The following ANGPT2 variants were observed in gnomAD, a reference collection of about 807,000 sequenced individuals.
ANGPT2 encodes angiopoietin-2.
In ANGPT2, 28 loss-of-function variants were observed where a neutral mutation model predicts 62.9. The observed-to-expected ratio is 0.44, with a 90% confidence interval of 0.33 to 0.61. The LOEUF (loss-of-function observed/expected upper bound fraction) is 0.61. Ranked by LOEUF, ANGPT2 falls within the 20% of genes least tolerant of loss-of-function variation. ANGPT2 has a pLI of 0.03. For synonymous variants in ANGPT2, 284 were observed against 207.8 expected, an observed-to-expected ratio of 1.37 and a Z score of -3.15; for missense variants, 727 against 594.9, an observed-to-expected ratio of 1.22 and a Z score of -2.31.
intron 5 of ANGPT2, among the ~76,000 whole-genome samples, chr8:6,516,147 A>G (rs1403155169): frequency 1.3e-5 from 2 of 152,170 alleles, no homozygotes; most frequent in African/African-American, 4.8e-5. Context: ...TAAGAAGAAA[A>G]TTATTTCCTC....
intron 8 of ANGPT2, among the ~76,000 whole-genome samples, chr8:6,505,440 T>TA (rs1813331085): frequency 1.2e-5 from 1 of 84,448 alleles, no homozygotes; most frequent in African/African-American, 4.4e-5. Context: ...ATATATATTC[T>TA]TTATATACAT....
rs866562353 is a variant in ANGPT2, at chr8:6,505,181, T to C, written c.1328-1920A>G. On this transcript the variant is annotated intron_variant, in intron 8 of 8. Transcript: ENST00000629816. ...TAAAAACTCTATGCCAAAGAATATA[T>C]ATATATATATTCTTATGTATATATA... Among the ~76,000 whole-genome samples the C allele has an allele frequency of 6.3e-5, 9 of 143,690 alleles. No homozygotes were observed. In the South Asian group the frequency reaches 6.4e-4, roughly 10 times the overall value. The allele number at this position is 143,690 out of a possible 152,430, so 94.3% of individuals were successfully genotyped here.
At chr8:6,534,886 C>T (rs1428468845) in intron 1 of ANGPT2, among the ~76,000 whole-genome samples, 2 of 152,240 alleles carry the variant, frequency 1.3e-5, no homozygotes, top group East Asian at 1.9e-4. Flanking sequence ...AATAGCAGTT[C>T]GTAATTCTCC....
chr8:6,514,626 C>G (rs1169042838), intron 6 of ANGPT2, 51 bp downstream of exon 6: 2 of 1,514,204 alleles, frequency 1.3e-6, no homozygotes, highest in African/African-American at 1.4e-5. Context: ...ATCTTGAAAG[C>G]TATTTTTCAC....
rs949294761 is a variant in ANGPT2, at chr8:6,502,923, G to C, written c.*178C>G. On this transcript the variant is annotated 3_prime_UTR_variant, in exon 9 of 9. Transcript: ENST00000629816. Reference sequence around the variant, plus strand: ...AGGGTCTTGCTTTGGTCCGTTAAGTGATGCAAGTTTAAGTGATAAAGTTTA... The same window carrying C: ...AGGGTCTTGCTTTGGTCCGTTAAGTCATGCAAGTTTAAGTGATAAAGTTTA... 8 of 665,610 alleles carry C rather than the reference G, an allele frequency of 1.2e-5. No homozygotes were observed. Among genetic ancestry groups the C allele is most frequent in the Non-Finnish European group, 2.0e-5 (8 of 397,736 alleles). The allele number at this position is 665,610 out of a possible 1,614,324, so 41.2% of individuals were successfully genotyped here.
chr8:6,554,368 G>A (rs916195717), intron 1 of ANGPT2, among the ~76,000 whole-genome samples: 2 of 151,420 alleles, frequency 1.3e-5, no homozygotes, highest in Admixed American at 6.6e-5. Context: ...TCACGTTCTC[G>A]CCCCCAAAAG....
intron 5 of ANGPT2, 137 bp downstream of exon 5, chr8:6,519,727 C>T (rs1295596561): frequency 9.4e-7 from 1 of 1,061,422 alleles, no homozygotes; most frequent in Non-Finnish European, 1.3e-6. Context: ...GGCGAGGTAG[C>T]TGCCCAGTAA....
chr8:6,542,599 T>TAA (rs550068553), intron 1 of ANGPT2, among the ~76,000 whole-genome samples: 4 of 146,602 alleles, frequency 2.7e-5, no homozygotes, highest in Admixed American at 6.8e-5. Flanking sequence ...ATTCTTATCT[T>TAA]AAAAAAAAAA....
intron 8 of ANGPT2, among the ~76,000 whole-genome samples, chr8:6,506,578 C>G (rs1813775248): frequency 6.6e-6 from 1 of 152,226 alleles, no homozygotes; most frequent in Non-Finnish European, 1.5e-5. Context: ...GAAACAAAGT[C>G]CTAGGTGTCT....
chr8:6,517,768 G>T (rs73199039), intron 5 of ANGPT2, among the ~76,000 whole-genome samples: 1 of 152,054 alleles, frequency 6.6e-6, no homozygotes, highest in Non-Finnish European at 1.5e-5. Flanking sequence ...TAAATGACTC[G>T]CCCAGAGCCA....
intron 1 of ANGPT2, among the ~76,000 whole-genome samples, chr8:6,550,130 C>T (rs551369172): frequency 6.6e-6 from 1 of 152,330 alleles, no homozygotes. Context: ...TACCAACTAT[C>T]GTGCCTCCTC....
At chr8:6,514,944 T>A (rs1380071300) in intron 5 of ANGPT2, among the ~76,000 whole-genome samples, 166 bp from the exon 6 acceptor site, 2 of 152,138 alleles carry the variant, frequency 1.3e-5, no homozygotes, top group Non-Finnish European at 2.9e-5. Flanking sequence ...ACAGATGGTT[T>A]CAAATAAATT....
Position 6,502,871 on chromosome 8 carries a change from T to G in ANGPT2, c.*230A>C. On this transcript the variant is annotated 3_prime_UTR_variant, in exon 9 of 9. Coordinates refer to ENST00000629816, the MANE Select transcript of ANGPT2 (RefSeq NM_001118887.2). ...CTCGGGTTCATCTTTGCATAGGTGT[T>G]CTGTCTAATCACAATTATGGATGTT... is the stretch of plus-strand genomic sequence containing the variant. 1.9e-6 allele frequency: 1 copy of G among 517,898 alleles called. No individual in the cohort carries two copies. Among genetic ancestry groups the G allele is most frequent in the Non-Finnish European group, 3.4e-6 (1 of 293,402 alleles). The allele number at this position is 517,898 out of a possible 1,614,324, so 32.1% of individuals were successfully genotyped here. A position where few individuals can be genotyped will look rare whatever the true frequency, so the allele number is the denominator to read the frequency against.
At chr8:6,534,043 C>T (rs567783104) in intron 1 of ANGPT2, among the ~76,000 whole-genome samples, 1 of 152,126 alleles carries the variant, frequency 6.6e-6, no homozygotes, top group East Asian at 1.9e-4. Context: ...AAGCTCCCAG[C>T]TCCCTGCATG....
At chr8:6,562,552 C>CCTTTTTTTTTCTTTTT (rs1825699064) in intron 1 of ANGPT2, 95 bp downstream of exon 1, 1 of 71,748 alleles carries the variant, frequency 1.4e-5, no homozygotes, top group African/African-American at 6.3e-5. Flanking sequence ...CATCCTCCTT[C>CCTTTTTTTTTCTTTTT]TTTTTTTTTT....
chr8:6,518,172 G>C (rs578246929), intron 5 of ANGPT2, among the ~76,000 whole-genome samples: 5 of 152,302 alleles, frequency 3.3e-5, no homozygotes, highest in African/African-American at 1.2e-4. Flanking sequence ...TGCATGGTTA[G>C]CGGCTGTCCC....
intron 5 of ANGPT2, among the ~76,000 whole-genome samples, chr8:6,518,780 A>G (rs1019005073): frequency 3.9e-5 from 6 of 152,318 alleles, no homozygotes; most frequent in Non-Finnish European, 5.9e-5. Flanking sequence ...ATATGCAAAC[A>G]TATTTATAGA....
At chr8:6,519,776 G>C in intron 5 of ANGPT2, 88 bp downstream of exon 5, 1 of 1,495,224 alleles carries the variant, frequency 6.7e-7, no homozygotes, top group Non-Finnish European at 9.1e-7. Context: ...GAAGATCTTT[G>C]GGGAGAGACT....
chr8:6,553,554 A>G (rs181445329), intron 1 of ANGPT2, among the ~76,000 whole-genome samples: 49 of 152,312 alleles, frequency 3.2e-4, no homozygotes, highest in African/African-American at 1.2e-3. Flanking sequence ...TTTGGTATAG[A>G]ACGCCTTTAT....
Sources: allele counts gnomAD v4.1 joint callset (sites outside exome capture counted in the v4.1 genomes callset), GRCh38; gene constraint gnomAD v4.1.1; transcripts MANE v1.5; gene names NCBI Gene and HGNC (gene_info 2026-07-23, HGNC 2026-07-21).